The following OAS1 variants were observed in gnomAD, a reference collection of about 807,000 sequenced individuals.
OAS1 encodes the protein 2'-5'-oligoadenylate synthetase 1.
OAS1 carries 24 observed loss-of-function variants against 38.5 expected under a neutral mutation model. That is an observed-to-expected ratio of 0.62 (90% CI 0.45 to 0.88). The LOEUF (loss-of-function observed/expected upper bound fraction) is 0.88. OAS1 is among the 40% of genes least tolerant of loss of function. OAS1 has a pLI of 0.00. For synonymous variants in OAS1, 169 were observed against 193.9 expected (o/e 0.87, Z 1.07); for missense variants, 482 against 493.9 (o/e 0.98, Z 0.23).
rs562588538 is a variant in OAS1, at chr12:112,910,143, G to A, written c.470-908G>A. On this transcript the variant is annotated intron_variant, in intron 2 of 5. Coordinates refer to ENST00000202917, the MANE Select transcript of OAS1 (RefSeq NM_016816.4). Reference sequence around the variant, plus strand: ...AGCACTTTGGGAGGCCAAAGTGGGGGGATCACTTGAAGTCAGGAATTCAAG... The same window carrying A: ...AGCACTTTGGGAGGCCAAAGTGGGGAGATCACTTGAAGTCAGGAATTCAAG... Among the ~76,000 whole-genome samples, 16 of 152,240 alleles carry A rather than the reference G, an allele frequency of 1.1e-4. No individual in the cohort carries two copies. In the East Asian group the frequency reaches 2.7e-3, roughly 26 times the overall value.
chr12:112,914,730 G>GTTTTTTTTTT (rs60578734), intron 3 of OAS1, among the ~76,000 whole-genome samples: 87 of 118,348 alleles, frequency 7.4e-4, no homozygotes, highest in Middle Eastern at 9.4e-3. Flanking sequence ...GTTGGTATTT[G>GTTTTTTTTTT]TTTTTTTTTT....
chr12:112,919,136 T>C, intron 5 of OAS1: 1 of 456,228 alleles, frequency 2.2e-6, no homozygotes, highest in Middle Eastern at 6.2e-4. Context: ...CCTACGTGGA[T>C]CACTCACTGT....
At chr12:112,930,281 G>A (rs1036855172) in intron 6 of OAS1, among the ~76,000 whole-genome samples, 53 of 152,270 alleles carry the variant, frequency 3.5e-4, no homozygotes, top group African/African-American at 1.2e-3. Context: ...ACCATGAGCC[G>A]ATTAAACCTC....
chr12:112,925,483 A>G (rs2043552879), intron 6 of OAS1, among the ~76,000 whole-genome samples: 3 of 152,214 alleles, frequency 2.0e-5, no homozygotes, highest in Admixed American at 6.5e-5. Flanking sequence ...TGAGACATCA[A>G]GTCACTTACC....
intron 4 of OAS1, chr12:112,917,019 C>A (rs2136319578): frequency 4.8e-6 from 2 of 415,890 alleles, no homozygotes; most frequent in South Asian, 3.1e-5. Flanking sequence ...AAAATAGCTG[C>A]AGTTTGAACT....
chr12:112,908,067 T>C (rs1332004239), intron 1 of OAS1, among the ~76,000 whole-genome samples: 1 of 152,238 alleles, frequency 6.6e-6, no homozygotes, highest in African/African-American at 2.4e-5. Context: ...TCCCACTCCC[T>C]GCGCCAGTTT....
chr12:112,913,089 T>C (rs565235867), intron 3 of OAS1, among the ~76,000 whole-genome samples: 1 of 152,346 alleles, frequency 6.6e-6, no homozygotes, highest in East Asian at 1.9e-4. Flanking sequence ...GTAAACTCTC[T>C]CAGTTATTGT....
At chr12:112,927,314 G>A (rs2043565937) in intron 6 of OAS1, among the ~76,000 whole-genome samples, 1 of 152,126 alleles carries the variant, frequency 6.6e-6, no homozygotes, top group African/African-American at 2.4e-5. Context: ...GCTTCAGTAG[G>A]TCCCTCCGTT....
chr12:112,910,978 A>G, intron 2 of OAS1, 73 bp from the exon 3 acceptor site: 1 of 1,399,486 alleles, frequency 7.1e-7, no homozygotes, highest in Non-Finnish European at 9.9e-7. Context: ...GGCCAGGGAG[A>G]TTGTCCCCTC....
Position 112,919,506 on chromosome 12 carries a change from G to A in OAS1, c.1156G>A (p.Ala386Thr), listed in dbSNP as rs757235109. The part of the protein sequence containing the change: ...FSHRPSTLQA[A>T]STPQAEEDWT... ...TCATAGACCCAGCACACTCCAGGCA[G>A]CATCCACCCCACAGGCAGAAGAGGA... Residue 386 changes from alanine to threonine, a missense_variant, in exon 6 of 6, where the codon GCA becomes ACA. Transcript: ENST00000202917. The A allele has an allele frequency of 5.6e-6, 9 of 1,614,208 alleles. No homozygotes were observed. The Admixed American group carries it at 1.2e-4, about 21-fold the overall frequency.
At chr12:112,919,259 C>T in intron 5 of OAS1, 130 bp from the exon 6 acceptor site, 1 of 845,124 alleles carries the variant, frequency 1.2e-6, no homozygotes, top group Non-Finnish European at 1.9e-6. Flanking sequence ...GTCCCAGCAG[C>T]TGGGGCTTGT....
intron 1 of OAS1, 62 bp from the exon 2 acceptor site, chr12:112,908,474 C>G: frequency 1.3e-6 from 2 of 1,510,918 alleles, no homozygotes; most frequent in Non-Finnish European, 1.8e-6. Flanking sequence ...TTGCTCCTGT[C>G]ATTTTATTTA....
intron 2 of OAS1, among the ~76,000 whole-genome samples, chr12:112,909,562 G>A (rs2043347498): frequency 6.6e-6 from 1 of 152,192 alleles, no homozygotes; most frequent in Admixed American, 6.5e-5. Flanking sequence ...TCAGGACGCT[G>A]AGACTGAACG....
intron 6 of OAS1, among the ~76,000 whole-genome samples, chr12:112,930,408 A>G (rs1593168291): frequency 6.6e-6 from 1 of 152,256 alleles, no homozygotes; most frequent in Admixed American, 6.5e-5. Flanking sequence ...CTGATAAAGG[A>G]CAGATGTGGG....
chr12:112,907,163 A>C lies in OAS1; in HGVS notation c.124A>C (p.Lys42Gln), dbSNP rs374296254. Residue 42 changes from lysine to glutamine, a missense_variant, in exon 1 of 6, where the codon AAG (lysine) becomes CAG (glutamine). Physicochemically the swap from Lys to Gln is moderately conservative, Grantham distance 53 (BLOSUM62 1). Transcript: ENST00000202917. ...HAIDIICGFL[K>Q]ERCFRGSSYP... ...CATTGACATCATCTGTGGGTTCCTG[A>C]AGGAAAGGTGCTTCCGAGGTAGCTC... 2.5e-6 allele frequency: 4 copies of C among 1,613,972 alleles called. No individual in the cohort carries two copies. The highest frequency in any genetic ancestry group is 3.4e-6 in the Non-Finnish European group (4 of 1,180,026).
At chr12:112,933,107 C>G (rs1391090622), downstream of OAS1, 15 of 152,238 alleles carry the variant, frequency 9.9e-5, no homozygotes, top group Admixed American at 9.8e-4. Context: ...AACACACTGT[C>G]TTACTGTTGT....
At position 112,907,185 on chromosome 12, in the gene OAS1, G is replaced by T. The variant is rs919444856; in HGVS notation, c.146G>T (p.Ser49Ile). The T allele has an allele frequency of 1.2e-6, 2 of 1,614,092 alleles. No individual in the cohort carries two copies. Among genetic ancestry groups the T allele is most frequent in the Admixed American group, 1.7e-5 (1 of 60,006 alleles). ...CTGAAGGAAAGGTGCTTCCGAGGTA[G>T]CTCCTACCCTGTGTGTGTGTCCAAG... ...GFLKERCFRG[S>I]SYPVCVSKVV... is the part of the protein sequence containing the mutation. The change falls in exon 1 of 6, where the codon AGC becomes ATC. Residue 49 changes from serine to isoleucine, a missense_variant. By Grantham distance (142) the Ser-to-Ile change is moderately radical. Transcript: ENST00000202917.
intron 4 of OAS1, 52 bp from the exon 5 acceptor site, chr12:112,917,495 C>T: frequency 6.2e-7 from 1 of 1,610,748 alleles, no homozygotes; most frequent in South Asian, 1.1e-5. Flanking sequence ...TCTGGACTCC[C>T]TAGACAGAGC....
intron 2 of OAS1, 27 bp from the exon 3 acceptor site, chr12:112,911,024 C>G (rs2043368971): frequency 6.2e-7 from 1 of 1,602,488 alleles, no homozygotes; most frequent in African/African-American, 1.3e-5. Flanking sequence ...AGAGCTGACA[C>G]CTAAGTTGTA....
Sources: allele counts gnomAD v4.1 joint callset (sites outside exome capture counted in the v4.1 genomes callset), GRCh38; gene constraint gnomAD v4.1.1; transcripts MANE v1.5; gene names NCBI Gene and HGNC (gene_info 2026-07-23, HGNC 2026-07-21).